The following COL23A1 variants were observed in gnomAD, a reference collection of about 807,000 sequenced individuals.
The protein encoded by COL23A1 is collagen alpha-1(XXIII) chain.
A neutral mutation model predicts 99.3 loss-of-function variants in COL23A1; 97 were observed. That is an observed-to-expected ratio of 0.98 (90% confidence interval 0.83 to 1.16). The LOEUF is 1.16. Among genes scored for constraint, COL23A1 ranks in the 50% most tolerant of loss-of-function variants. The pLI is 0.00. For missense variants in COL23A1, 762 were observed against 757.4 expected (o/e 1.01, Z -0.07); for synonymous variants, 320 against 308.2 (o/e 1.04, Z -0.40).
chr5:178,547,027 C>T (rs991068205), intron 2 of COL23A1, among the ~76,000 whole-genome samples: 6 of 152,250 alleles, frequency 3.9e-5, no homozygotes, highest in Admixed American at 6.5e-5. Flanking sequence ...CTTCTGGGAG[C>T]GCCTGGGTCC....
intron 1 of COL23A1, among the ~76,000 whole-genome samples, chr5:178,571,277 G>A (rs926576887): frequency 1.3e-5 from 2 of 152,036 alleles, no homozygotes; most frequent in Non-Finnish European, 2.9e-5. Flanking sequence ...CAGGAGAATC[G>A]CTTGAACCCG....
chr5:178,387,806 C>T lies in COL23A1; in HGVS notation c.362-80887G>A, dbSNP rs1763752624. On this transcript the variant is annotated intron_variant, in intron 2 of 28. Transcript: ENST00000390654. This position sits in a 1 kb window ranked among gnomAD's most constrained non-coding sequence, Gnocchi z 4.7. ...CGCGCTGTGCTTGCGGAGTTTCCCACTCCTCTGTCCCCCAGCTTTTATACT... is the reference window on the plus strand; with the variant it reads ...CGCGCTGTGCTTGCGGAGTTTCCCATTCCTCTGTCCCCCAGCTTTTATACT... 6.6e-6 allele frequency among the ~76,000 whole-genome samples: 1 copy of T among 152,198 alleles called. No individual in the cohort carries two copies. Among genetic ancestry groups the T allele is most frequent in the African/African-American group, 2.4e-5 (1 of 41,450 alleles).
rs1355988184 is a variant in COL23A1 at position 178,307,211 on chromosome 5, C to G, written c.362-292G>C. The stretch of plus-strand genomic sequence containing the variant: ...CACTCAGTCATTCCTAAGCCCTCCC[C>G]TAATCACAAAGATTCCCATGGGAGG... On this transcript the variant is annotated intron_variant, in intron 2 of 28. Transcript: ENST00000390654. The surrounding 1 kb of genome is among the most constrained non-coding windows in gnomAD (Gnocchi z 4.2). Among the ~76,000 whole-genome samples, 1 of 152,232 alleles carries G rather than the reference C, an allele frequency of 6.6e-6. No homozygotes were observed. Among genetic ancestry groups the G allele is most frequent in the Admixed American group, 6.5e-5 (1 of 15,288 alleles).
At chr5:178,522,909 A>G (rs973122877) in intron 2 of COL23A1, among the ~76,000 whole-genome samples, 3 of 151,868 alleles carry the variant, frequency 2.0e-5, no homozygotes, top group African/African-American at 4.8e-5. Context: ...TTATGGTACA[A>G]TTTTAACACA....
rs774274164 is a variant in COL23A1, at chr5:178,249,257, T to A, written c.1060-51A>T. 1.9e-6 allele frequency: 3 copies of A among 1,557,806 alleles called. No individual in the cohort carries two copies. The East Asian group carries it at 6.7e-5, about 35-fold the overall frequency. On this transcript the variant is annotated intron_variant, in intron 18 of 28. Coordinates refer to ENST00000390654, the MANE Select transcript of COL23A1 (RefSeq NM_173465.4). ...AGTGGGGCTCAGGAGGTCCCCTCCC[T>A]TCTCCCCCCAGCAGGTCCCCAGAGC...
chr5:178,460,224 A>C lies in COL23A1; in HGVS notation c.361+100458T>G, dbSNP rs541303069. On this transcript the variant is annotated intron_variant, in intron 2 of 28. Transcript: ENST00000390654. ...GCAGAACCCCCAGATTTTATCAACT[A>C]AACAATTCACAGCAGACCTACTACA... 8.5e-5 allele frequency among the ~76,000 whole-genome samples: 13 copies of C among 152,288 alleles called. 1 individual carries two copies. In the South Asian group the frequency reaches 2.7e-3, roughly 32 times the overall value.
chr5:178,556,964 A>T (rs1204363037), intron 2 of COL23A1, among the ~76,000 whole-genome samples: 1 of 152,210 alleles, frequency 6.6e-6, no homozygotes, highest in East Asian at 1.9e-4. Context: ...AAAAATAAAT[A>T]AATTAAAAAA....
intron 2 of COL23A1, among the ~76,000 whole-genome samples, chr5:178,537,603 G>T (rs894143792): frequency 6.6e-6 from 1 of 152,198 alleles, no homozygotes; most frequent in Non-Finnish European, 1.5e-5. Context: ...CTCTTGTCTG[G>T]GTGACAATTC....
intron 2 of COL23A1, among the ~76,000 whole-genome samples, chr5:178,444,735 G>A (rs1004159625): frequency 2.0e-5 from 3 of 152,198 alleles, no homozygotes; most frequent in African/African-American, 7.2e-5. Context: ...GGTAGAGGTT[G>A]CAGTGAGCTG....
chr5:178,381,802 A>G (rs1436686498), intron 2 of COL23A1, among the ~76,000 whole-genome samples: 1 of 152,138 alleles, frequency 6.6e-6, no homozygotes. Context: ...CGCCCGGCTG[A>G]TTTTTAAATG....
At chr5:178,542,696 G>A (rs1406211280) in intron 2 of COL23A1, among the ~76,000 whole-genome samples, 1 of 147,196 alleles carries the variant, frequency 6.8e-6, no homozygotes, top group Non-Finnish European at 1.5e-5. Flanking sequence ...AGGTGGAGAG[G>A]AAGGGGGAGG....
chr5:178,344,523 G>C (rs2127667478), intron 2 of COL23A1, among the ~76,000 whole-genome samples: 1 of 152,284 alleles, frequency 6.6e-6, no homozygotes, highest in Non-Finnish European at 1.5e-5. Context: ...TGTAGTCCCA[G>C]CTACGCAGGA....
intron 2 of COL23A1, among the ~76,000 whole-genome samples, chr5:178,541,023 T>C (rs1761256468): frequency 6.6e-6 from 1 of 152,256 alleles, no homozygotes; most frequent in Admixed American, 6.5e-5. Flanking sequence ...AAACTTTCTA[T>C]GGAAGTGCAA....
chr5:178,383,880 GAAA>G (rs34212112), intron 2 of COL23A1, among the ~76,000 whole-genome samples: 2 of 98,712 alleles, frequency 2.0e-5, no homozygotes, highest in African/African-American at 6.9e-5. Flanking sequence ...GACAGAAATA[GAAA>G]AAAAAAAAAA....
intron 2 of COL23A1, among the ~76,000 whole-genome samples, chr5:178,481,499 C>T (rs1299351209): frequency 1.3e-5 from 2 of 152,072 alleles, no homozygotes; most frequent in African/African-American, 2.4e-5. Flanking sequence ...ATATAAAGAA[C>T]TCTGACAACT....
At chr5:178,324,614 C>G (rs1040950732) in intron 2 of COL23A1, among the ~76,000 whole-genome samples, 4 of 152,180 alleles carry the variant, frequency 2.6e-5, no homozygotes, top group Non-Finnish European at 5.9e-5. Flanking sequence ...CTCACTCTAC[C>G]AAGGGAGGGC....
intron 6 of COL23A1, among the ~76,000 whole-genome samples, chr5:178,269,582 T>TCCATCCATC (rs1756153732): frequency 1.3e-4 from 3 of 23,256 alleles, no homozygotes; most frequent in Non-Finnish European, 2.0e-4. Flanking sequence ...ACCCACCCAC[T>TCCATCCATC]CATCCATCAA....
intron 2 of COL23A1, among the ~76,000 whole-genome samples, chr5:178,349,753 C>G (rs960928791): frequency 6.6e-6 from 1 of 152,238 alleles, no homozygotes; most frequent in Non-Finnish European, 1.5e-5. Context: ...CAACCCTCAC[C>G]TGGGCCCCAG....
intron 2 of COL23A1, among the ~76,000 whole-genome samples, chr5:178,516,035 G>T (rs1393923642): frequency 2.0e-5 from 3 of 152,138 alleles, no homozygotes; most frequent in Non-Finnish European, 2.9e-5. Flanking sequence ...TGTCTCTGCA[G>T]AGCTGTCTGG....
Sources: allele counts gnomAD v4.1 joint callset (sites outside exome capture counted in the v4.1 genomes callset), GRCh38; gene constraint gnomAD v4.1.1; non-coding constraint Gnocchi (gnomAD v3.1); transcripts MANE v1.5; gene names NCBI Gene and HGNC (gene_info 2026-07-23, HGNC 2026-07-21).